DLG2: variants seen among roughly 807,000 people sequenced by gnomAD.
The protein encoded by DLG2 is disks large homolog 2.
In DLG2, 45 loss-of-function variants were observed where a neutral mutation model predicts 132.5. The observed-to-expected ratio is 0.34, with a 90% confidence interval of 0.27 to 0.44. The LOEUF (loss-of-function observed/expected upper bound fraction) is 0.44. Ranked by LOEUF, DLG2 falls within the 20% of genes least tolerant of loss-of-function variation. DLG2 has a pLI of 1.00. For synonymous variants in DLG2, 424 were observed against 419.6 expected, an observed-to-expected ratio of 1.01 and a Z score of -0.13; for missense variants, 1,045 against 1,196.9, an observed-to-expected ratio of 0.87 and a Z score of 1.87.
chr11:85,303,906 G>C (rs2079770761), intron 3 of DLG2, among the ~76,000 whole-genome samples: 1 of 152,136 alleles, frequency 6.6e-6, no homozygotes, highest in Non-Finnish European at 1.5e-5. Flanking sequence ...GTCTCTCCTT[G>C]ACCAGATAGA....
chr11:85,006,501 A>T (rs1445104266), intron 6 of DLG2, among the ~76,000 whole-genome samples: 3 of 152,054 alleles, frequency 2.0e-5, no homozygotes. Context: ...TACATTTTCT[A>T]GTTTATTTGT....
intron 3 of DLG2, among the ~76,000 whole-genome samples, chr11:85,480,077 T>C (rs1456702334): frequency 6.6e-6 from 1 of 152,144 alleles, no homozygotes; most frequent in African/African-American, 2.4e-5. Flanking sequence ...CCATAAGACT[T>C]AAAAAATTGG....
intron 19 of DLG2, among the ~76,000 whole-genome samples, chr11:83,580,745 T>G (rs1782877175): frequency 6.6e-6 from 1 of 152,000 alleles, no homozygotes; most frequent in Non-Finnish European, 1.5e-5. Context: ...GCACCCTGGT[T>G]TCTGTGGGAG....
chr11:83,521,951 T>G (rs1477032993), intron 21 of DLG2, among the ~76,000 whole-genome samples: 1 of 152,096 alleles, frequency 6.6e-6, no homozygotes, highest in Non-Finnish European at 1.5e-5. Flanking sequence ...TCCAATAACC[T>G]TGAAGGGCTC....
chr11:83,977,164 A>G (rs1228392805), intron 12 of DLG2, among the ~76,000 whole-genome samples: 1 of 151,992 alleles, frequency 6.6e-6, no homozygotes, highest in East Asian at 1.9e-4. Context: ...TTATTTAAGA[A>G]TCTTCCATTC....
chr11:84,674,000 A>C (rs2099708767), intron 6 of DLG2, among the ~76,000 whole-genome samples: 1 of 152,282 alleles, frequency 6.6e-6, no homozygotes, highest in Non-Finnish European at 1.5e-5. Context: ...ACCCTGAATC[A>C]TCAGTTTATA....
intron 6 of DLG2, among the ~76,000 whole-genome samples, chr11:85,019,084 T>C (rs1254859812): frequency 2.0e-5 from 3 of 152,176 alleles, no homozygotes; most frequent in South Asian, 2.1e-4. Flanking sequence ...CTAAATGAGA[T>C]TGCCTTTGCA....
At chr11:85,599,591 G>A (rs543603366) in intron 2 of DLG2, among the ~76,000 whole-genome samples, 48 of 152,226 alleles carry the variant, frequency 3.2e-4, no homozygotes, top group African/African-American at 1.1e-3. Context: ...CAGGTGTTAT[G>A]ATTAGACAAT....
chr11:83,692,325 G>A (rs2081135001), intron 18 of DLG2, among the ~76,000 whole-genome samples: 1 of 152,300 alleles, frequency 6.6e-6, no homozygotes, highest in African/African-American at 2.4e-5. Flanking sequence ...CTGATTCTCT[G>A]TAAATTTATC....
In DLG2 at chr11:84,258,151, A is replaced by G. The variant is rs186553481; in HGVS notation, c.520-6860T>C. 1.8e-4 allele frequency among the ~76,000 whole-genome samples: 28 copies of G among 152,300 alleles called. No individual in the cohort carries two copies. The East Asian group carries it at 5.0e-3, about 27-fold the overall frequency. On this transcript the variant is annotated intron_variant, in intron 7 of 27. Transcript: ENST00000376104. ...GAAGAGGCCTGTAGGAGGCATGCCT[A>G]GGAAAAGGCTGATGGCCCCAGCATA...
rs143852973 is a variant in DLG2 at position 84,422,867 on chromosome 11, T to A, written c.519+111703A>T. 2.3e-3 allele frequency among the ~76,000 whole-genome samples: 344 copies of A among 152,270 alleles called. 2 individuals are homozygous for A. Among genetic ancestry groups the A allele is most frequent in the African/African-American group, 7.6e-3 (318 of 41,574 alleles). On this transcript the variant is annotated intron_variant, in intron 7 of 27. Transcript: ENST00000376104. ...TAATCTTAGTAAAGCTAAAGGTACT[T>A]AGTTGAAATTAAATTGTATTACTTG...
At chr11:83,883,436 T>G (rs973152189) in intron 15 of DLG2, among the ~76,000 whole-genome samples, 3 of 152,206 alleles carry the variant, frequency 2.0e-5, no homozygotes, top group Non-Finnish European at 2.9e-5. Flanking sequence ...TTTCTTTAAA[T>G]TTAGGTAAGA....
chr11:83,799,190 A>G (rs1423093174), intron 17 of DLG2, among the ~76,000 whole-genome samples: 1 of 152,248 alleles, frequency 6.6e-6, no homozygotes, highest in African/African-American at 2.4e-5. Context: ...TTCAATGTTG[A>G]ATTGTGAGCA....
chr11:84,281,664 C>T (rs1349623122), intron 7 of DLG2, among the ~76,000 whole-genome samples: 1 of 146,118 alleles, frequency 6.8e-6, no homozygotes, highest in Non-Finnish European at 1.5e-5. Context: ...ACAAATAACT[C>T]TTAAAATTCA....
intron 8 of DLG2, among the ~76,000 whole-genome samples, chr11:84,223,046 T>C (rs2096937814): frequency 6.6e-6 from 1 of 152,226 alleles, no homozygotes; most frequent in Admixed American, 6.5e-5. Flanking sequence ...GTCAGGTTCC[T>C]GGACAGGCCA....
chr11:85,093,783 C>G (rs1401617805), intron 6 of DLG2, among the ~76,000 whole-genome samples: 2 of 152,164 alleles, frequency 1.3e-5, no homozygotes, highest in Non-Finnish European at 2.9e-5. Flanking sequence ...ATTATGGTAG[C>G]TACAATTCAA....
chr11:83,565,793 G>A (rs748696037), intron 19 of DLG2, among the ~76,000 whole-genome samples: 5 of 152,196 alleles, frequency 3.3e-5, no homozygotes, highest in Non-Finnish European at 7.3e-5. Flanking sequence ...ACAGGTAGGA[G>A]AACTATTGAA....
Position 84,168,525 on chromosome 11 carries a change from C to T in DLG2, c.574-5014G>A, listed in dbSNP as rs78480490. Among the ~76,000 whole-genome samples the T allele has an allele frequency of 9.3e-3, 1,410 of 152,276 alleles. 20 individuals are homozygous for T. Among genetic ancestry groups the T allele is most frequent in the African/African-American group, 0.032 (1,337 of 41,562 alleles). On this transcript the variant is annotated intron_variant, in intron 8 of 27. Transcript: ENST00000376104. The stretch of plus-strand genomic sequence containing the variant: ...TTGTCACTTCCAGAGTAAGGTGGGG[C>T]AATGCCACTTTGCTTCATCCACAGA...
At chr11:85,018,008 C>T (rs1004997287) in intron 6 of DLG2, among the ~76,000 whole-genome samples, 1 of 152,094 alleles carries the variant, frequency 6.6e-6, no homozygotes, top group African/African-American at 2.4e-5. Flanking sequence ...ATAAGTGTGT[C>T]TGGAAAATAT....
Sources: allele counts gnomAD v4.1 joint callset (sites outside exome capture counted in the v4.1 genomes callset), GRCh38; gene constraint gnomAD v4.1.1; transcripts MANE v1.5; gene names NCBI Gene and HGNC (gene_info 2026-07-23, HGNC 2026-07-21).